CPED1: variants seen among roughly 807,000 people sequenced by gnomAD.
CPED1 encodes the protein cadherin-like and PC-esterase domain-containing protein 1.
CPED1 carries 114 observed loss-of-function variants against 128.2 expected under a neutral mutation model. The observed-to-expected ratio is 0.89, with a 90% CI of 0.76 to 1.04. The LOEUF is 1.04. Ranked by LOEUF, CPED1 falls within the 50% of genes least tolerant of loss-of-function variation. The probability of loss-of-function intolerance (pLI) is 0.00; values close to 1 mark genes in which losing one functional copy is unlikely to be tolerated. For synonymous variants in CPED1, 462 were observed against 426.7 expected, an observed-to-expected ratio of 1.08 and a Z score of -1.02; for missense variants, 1,211 against 1,207.1, an observed-to-expected ratio of 1.00 and a Z score of -0.05.
At position 121,010,534 on chromosome 7, in the gene CPED1, C is replaced by T. The variant is rs142543261; in HGVS notation, c.250-5131C>T. ...AAAGTGCTGGGATTACAGGCGTGAG[C>T]CACCACGCCCTGCAGGAATACATTT... On this transcript the variant is annotated intron_variant, in intron 2 of 22. Coordinates refer to ENST00000310396, the MANE Select transcript of CPED1 (RefSeq NM_024913.5). Among the ~76,000 whole-genome samples, 495 of 152,314 alleles carry T rather than the reference C, an allele frequency of 3.2e-3. 2 individuals carry two copies. Among genetic ancestry groups the T allele is most frequent in the African/African-American group, 0.011 (472 of 41,568 alleles).
chr7:121,093,397 T>TATACACACACACACACAC (rs1554433495), intron 5 of CPED1, among the ~76,000 whole-genome samples: 39 of 145,568 alleles, frequency 2.7e-4, no homozygotes, highest in Non-Finnish European at 4.5e-4. Context: ...CCTTTTTCTG[T>TATACACACACACACACAC]ACACACACAC....
chr7:121,283,936 T>C (rs1270916310), intron 22 of CPED1, among the ~76,000 whole-genome samples: 1 of 152,220 alleles, frequency 6.6e-6, no homozygotes, highest in African/African-American at 2.4e-5. Context: ...GAAACACTTT[T>C]TTCAGCAGTT....
intron 18 of CPED1, chr7:121,261,656 C>T (rs1475159788): frequency 6.2e-7 from 1 of 1,611,074 alleles, no homozygotes. Context: ...CCAGAGAGTT[C>T]CTAGAAGCCG....
Position 121,015,669 on chromosome 7 carries a change from A to G in CPED1, c.254A>G (p.Lys85Arg), listed in dbSNP as rs761912789. The G allele has an allele frequency of 1.3e-5, 21 of 1,595,922 alleles. No homozygotes were observed. The highest frequency in any genetic ancestry group is 2.3e-5 in the East Asian group (1 of 43,850). ...TTTTATGCCTTCTTTTCTTAGGTCAAAGAATCAATGGAGACACACTTTGGC... is the reference window on the plus strand; with the variant it reads ...TTTTATGCCTTCTTTTCTTAGGTCAGAGAATCAATGGAGACACACTTTGGC... ...SGNAQETRKVKESMETHFGSH... is the reference protein window; with the variant it reads ...SGNAQETRKVRESMETHFGSH... The change falls in exon 3 of 23, where the codon AAA (lysine) becomes AGA (arginine). Residue 85 changes from lysine (K) to arginine (R), a missense_variant. Lys to Arg is a conservative substitution (Grantham distance 26, BLOSUM62 2). Coordinates refer to ENST00000310396, the MANE Select transcript of CPED1 (RefSeq NM_024913.5).
intron 22 of CPED1, among the ~76,000 whole-genome samples, chr7:121,290,634 A>G (rs954352066): frequency 2.0e-5 from 3 of 151,976 alleles, no homozygotes; most frequent in African/African-American, 7.3e-5. Flanking sequence ...CATATCCTTC[A>G]CCCACTTTTT....
intron 3 of CPED1, among the ~76,000 whole-genome samples, chr7:121,042,985 A>G (rs1274287553): frequency 6.6e-6 from 1 of 152,202 alleles, no homozygotes; most frequent in Non-Finnish European, 1.5e-5. Context: ...AGCTAACACA[A>G]ATCTGATGTC....
At chr7:121,090,206 T>C (rs866422827) in intron 5 of CPED1, among the ~76,000 whole-genome samples, 8 of 152,138 alleles carry the variant, frequency 5.3e-5, no homozygotes, top group Non-Finnish European at 1.0e-4. Context: ...TTTGATTGAG[T>C]GGTTAGTTGG....
intron 16 of CPED1, among the ~76,000 whole-genome samples, chr7:121,146,276 A>G (rs183322421): frequency 6.6e-6 from 1 of 152,194 alleles, no homozygotes; most frequent in Admixed American, 6.6e-5. Flanking sequence ...AAGGGCAGCA[A>G]AAGGGTCTAA....
At chr7:121,148,332 AG>A (rs1487228701) in intron 16 of CPED1, among the ~76,000 whole-genome samples, 1 of 152,208 alleles carries the variant, frequency 6.6e-6, no homozygotes, top group Non-Finnish European at 1.5e-5. Context: ...TAGGTGTAGT[AG>A]CAATGAAGCA....
intron 7 of CPED1, among the ~76,000 whole-genome samples, chr7:121,113,388 C>T (rs1193298848): frequency 6.6e-6 from 1 of 152,032 alleles, no homozygotes; most frequent in Admixed American, 6.6e-5. Flanking sequence ...GTTGCAGAGA[C>T]AGTGAAGAGT....
intron 4 of CPED1, chr7:121,051,762 T>C: frequency 4.8e-6 from 1 of 206,558 alleles, no homozygotes; most frequent in South Asian, 7.7e-5. Flanking sequence ...GAATATGTAG[T>C]GTATATGCTA....
intron 14 of CPED1, among the ~76,000 whole-genome samples, chr7:121,140,541 C>T (rs759049753): frequency 1.4e-4 from 22 of 151,994 alleles, no homozygotes; most frequent in South Asian, 1.2e-3. Context: ...GACATTTTCC[C>T]GCCTTGTGTG....
chr7:121,294,968 A>G (rs1562865840), intron 22 of CPED1, among the ~76,000 whole-genome samples: 1 of 152,160 alleles, frequency 6.6e-6, no homozygotes, highest in Non-Finnish European at 1.5e-5. Flanking sequence ...TAAGTCTGCA[A>G]TGGAAAAAAA....
intron 16 of CPED1, among the ~76,000 whole-genome samples, chr7:121,162,120 A>G (rs972459883): frequency 2.0e-5 from 3 of 152,212 alleles, no homozygotes; most frequent in African/African-American, 4.8e-5. Context: ...GCAAACACAA[A>G]TCTTTTCAGA....
rs73717454 is a variant in CPED1, at chr7:121,114,380, A to G, written c.919-9951A>G. 5.8e-3 allele frequency among the ~76,000 whole-genome samples: 886 copies of G among 152,326 alleles called. 13 individuals carry two copies. Among genetic ancestry groups the G allele is most frequent in the African/African-American group, 0.02 (843 of 41,568 alleles). ...GCTCAATGCCTGAGGCAAGGATGCT[A>G]CCTTCAAGTTTGTCCCTTACACCCT... On this transcript the variant is annotated intron_variant, in intron 7 of 22. Transcript: ENST00000310396.
chr7:121,039,529 G>A (rs1415176502), intron 3 of CPED1, among the ~76,000 whole-genome samples: 1 of 151,986 alleles, frequency 6.6e-6, no homozygotes, highest in East Asian at 1.9e-4. Flanking sequence ...TTGTTGCAAT[G>A]TTAATATCTT....
At chr7:121,143,031 C>T (rs1307256598) in intron 16 of CPED1, among the ~76,000 whole-genome samples, 1 of 151,920 alleles carries the variant, frequency 6.6e-6, no homozygotes, top group Non-Finnish European at 1.5e-5. Flanking sequence ...AATCACCCCG[C>T]CACTGTCTTA....
chr7:121,124,710 G>A (rs1422407909), intron 8 of CPED1, among the ~76,000 whole-genome samples: 1 of 152,030 alleles, frequency 6.6e-6, no homozygotes, highest in Non-Finnish European at 1.5e-5. Context: ...AGTAAAGTGC[G>A]CATTTTCAAA....
chr7:121,156,251 A>C (rs1351856069), intron 16 of CPED1, among the ~76,000 whole-genome samples: 1 of 152,222 alleles, frequency 6.6e-6, no homozygotes, highest in Non-Finnish European at 1.5e-5. Context: ...AATGTAAATT[A>C]GAACAGCCGC....
Sources: gnomAD v4.1 joint callset for allele counts (sites outside exome capture counted in the v4.1 genomes callset) on GRCh38, gnomAD v4.1.1 for gene constraint, MANE v1.5 for transcripts, NCBI Gene and HGNC (gene_info 2026-07-23, HGNC 2026-07-21) for gene names.